The following SULT1E1 variants were observed in gnomAD, a reference collection of about 807,000 sequenced individuals.
SULT1E1 encodes the protein sulfotransferase family 1E member 1.
Under a neutral mutation model 33.6 loss-of-function variants are expected in SULT1E1, and 36 were observed. That is an observed-to-expected ratio of 1.07 (90% CI 0.82 to 1.41). The LOEUF is 1.41. SULT1E1 is among the 40% of genes most tolerant of loss of function. SULT1E1 has a pLI of 0.00. For missense variants in SULT1E1, 371 were observed against 345.7 expected, an observed-to-expected ratio of 1.07 and a Z score of -0.58; for synonymous variants, 121 against 111.7, an observed-to-expected ratio of 1.08 and a Z score of -0.53.
Position 69,854,283 on chromosome 4 carries a change from A to G in SULT1E1, c.303T>C (p.Pro101=). 1.2e-6 allele frequency: 2 copies of G among 1,611,348 alleles called. No homozygotes were observed. Among genetic ancestry groups the G allele is most frequent in the Non-Finnish European group, 8.5e-7 (1 of 1,178,290 alleles). The change falls in exon 4 of 8, where the codon CCT becomes CCC. Residue 101 remains proline, a synonymous_variant. Coordinates refer to ENST00000226444, the MANE Select transcript of SULT1E1 (RefSeq NM_005420.3). The part of the protein sequence containing the change: ...GVKQLDEMNS[P]RIVKTHLPPE... ...GTGGCAAATGAGTCTTCACAATTCT[A>G]GGAGAATTCATCTCATCTAATTGTT...
chr4:69,825,107 G>T, the SULT1E1 span, among the ~76,000 whole-genome samples: 1 of 151,964 alleles, frequency 6.6e-6, no homozygotes, highest in Non-Finnish European at 1.5e-5. Flanking sequence ...CACTGCGAAG[G>T]TCTGTGGCTT....
chr4:69,836,414 C>T (rs1472060640), downstream of SULT1E1, among the ~76,000 whole-genome samples: 4 of 152,148 alleles, frequency 2.6e-5, no homozygotes, highest in Non-Finnish European at 4.4e-5. Flanking sequence ...TACACCTTGT[C>T]CTTTTGTATC....
At chr4:69,827,616 T>C in the SULT1E1 span, among the ~76,000 whole-genome samples, 1 of 152,114 alleles carries the variant, frequency 6.6e-6, no homozygotes, top group South Asian at 2.1e-4. Context: ...TATTACCCAG[T>C]CAGCCACAGA....
chr4:69,857,846 TCTAACACATAAAAGAATAG>T (rs1222239964), intron 1 of SULT1E1, among the ~76,000 whole-genome samples, 193 bp from the exon 2 acceptor site: 1 of 152,160 alleles, frequency 6.6e-6, no homozygotes, highest in Non-Finnish European at 1.5e-5. Flanking sequence ...TAGAAAGATG[TCTAACACATAAAAGAATAG>T]GAAAGCACAA....
rs1721024459 is a variant in SULT1E1, at chr4:69,848,352, T to C, written c.497-560A>G. On this transcript the variant is annotated intron_variant, in intron 5 of 7. Transcript: ENST00000226444. Reference sequence around the variant, plus strand: ...ATTAGATTTTAGAAATGATGTAATATAACCAAATGCTGTCTCTTCCTTTTT... The same window carrying C: ...ATTAGATTTTAGAAATGATGTAATACAACCAAATGCTGTCTCTTCCTTTTT... 2.0e-5 allele frequency among the ~76,000 whole-genome samples: 3 copies of C among 151,792 alleles called. No individual in the cohort carries two copies. In the South Asian group the frequency reaches 6.2e-4, roughly 31 times the overall value.
At chr4:69,851,746 T>G (rs1453929294) in intron 4 of SULT1E1, among the ~76,000 whole-genome samples, 6 of 152,128 alleles carry the variant, frequency 3.9e-5, no homozygotes, top group Non-Finnish European at 7.4e-5. Context: ...AATGATAGAC[T>G]GGATTAAGAA....
the SULT1E1 span, among the ~76,000 whole-genome samples, chr4:69,821,637 G>A: frequency 3.9e-5 from 6 of 152,084 alleles, no homozygotes; most frequent in Non-Finnish European, 5.9e-5. Context: ...ACTTTCATTC[G>A]TGTGTCTCTA....
rs11569707 is a variant in SULT1E1, at chr4:69,849,382, G to A, written c.496+55C>T. On this transcript the variant is annotated intron_variant, in intron 5 of 7. Transcript: ENST00000226444. ...AGTTAAAAACTTTTACTTGGAGATG[G>A]CATTTGTCTTATAAAACCTTGAAAA... 1,164 of 1,579,166 alleles carry A rather than the reference G, an allele frequency of 7.4e-4. 14 individuals carry two copies. The African/African-American group carries it at 0.014, about 19-fold the overall frequency.
At chr4:69,831,498 C>T in the SULT1E1 span, among the ~76,000 whole-genome samples, 2 of 152,170 alleles carry the variant, frequency 1.3e-5, no homozygotes, top group Non-Finnish European at 1.5e-5. Flanking sequence ...CTATAATATC[C>T]TCGGCCAGCC....
At chr4:69,844,810 G>T (rs1720942211) in intron 6 of SULT1E1, among the ~76,000 whole-genome samples, 1 of 152,052 alleles carries the variant, frequency 6.6e-6, no homozygotes, top group Non-Finnish European at 1.5e-5. Context: ...TGCAACATCA[G>T]TTGTCTGTAC....
chr4:69,824,008 C>T, the SULT1E1 span, among the ~76,000 whole-genome samples: 1 of 152,200 alleles, frequency 6.6e-6, no homozygotes, highest in Middle Eastern at 3.2e-3. Context: ...GGCACTGACT[C>T]ATTGGGGAGC....
intron 5 of SULT1E1, among the ~76,000 whole-genome samples, chr4:69,848,116 G>GTGTT (rs1195934505): frequency 3.0e-4 from 42 of 141,598 alleles, no homozygotes; most frequent in African/African-American, 1.0e-3. Context: ...GTGTGTGTGT[G>GTGTT]TAGAATCAAA....
intron 2 of SULT1E1, 87 bp downstream of exon 2, chr4:69,857,413 A>T (rs1464025235): frequency 2.8e-6 from 4 of 1,448,266 alleles, no homozygotes; most frequent in Middle Eastern, 1.9e-4. Context: ...ATAGAGAATG[A>T]GTGTGTACGA....
At chr4:69,832,898 A>C in the SULT1E1 span, among the ~76,000 whole-genome samples, 1 of 152,168 alleles carries the variant, frequency 6.6e-6, no homozygotes, top group African/African-American at 2.4e-5. Flanking sequence ...AAGGAGAGAT[A>C]GGAGAACTTA....
chr4:69,829,773 A>G, the SULT1E1 span, among the ~76,000 whole-genome samples: 4 of 152,174 alleles, frequency 2.6e-5, no homozygotes, highest in Non-Finnish European at 4.4e-5. Context: ...AATGGCTCCT[A>G]CAATGGTTGC....
chr4:69,830,207 G>T, the SULT1E1 span, among the ~76,000 whole-genome samples: 1 of 152,190 alleles, frequency 6.6e-6, no homozygotes, highest in Non-Finnish European at 1.5e-5. Flanking sequence ...TGTAAGGGCT[G>T]CTGCCAGCAA....
intron 5 of SULT1E1, 22 bp downstream of exon 5, chr4:69,849,415 A>G (rs773917059): frequency 3.1e-6 from 5 of 1,601,068 alleles, no homozygotes; most frequent in Non-Finnish European, 4.3e-6. Context: ...AAAAAAATTC[A>G]GTGTAAAGAA....
intron 4 of SULT1E1, among the ~76,000 whole-genome samples, chr4:69,850,410 T>G (rs1413760947): frequency 6.6e-6 from 1 of 152,082 alleles, no homozygotes; most frequent in Non-Finnish European, 1.5e-5. Flanking sequence ...CCACTGTTTA[T>G]GGAATACCAC....
At chr4:69,846,849 C>T (rs1482871554) in intron 6 of SULT1E1, among the ~76,000 whole-genome samples, 3 of 151,494 alleles carry the variant, frequency 2.0e-5, no homozygotes, top group Non-Finnish European at 3.0e-5. Flanking sequence ...TTTTGAATTA[C>T]ACTAACAATA....
Sources: allele counts gnomAD v4.1 joint callset (sites outside exome capture counted in the v4.1 genomes callset), GRCh38; gene constraint gnomAD v4.1.1; transcripts MANE v1.5; gene names NCBI Gene and HGNC (gene_info 2026-07-23, HGNC 2026-07-21).